Variants in ADAM23 observed in about 807,000 individuals in gnomAD.
ADAM23 encodes the protein ADAM metallopeptidase domain 23.
A neutral mutation model predicts 120.1 loss-of-function variants in ADAM23; 33 were observed. The observed-to-expected ratio is 0.27, with a 90% CI of 0.21 to 0.37. The LOEUF is 0.37. Ranked by LOEUF, ADAM23 falls within the 10% of genes least tolerant of loss-of-function variation. ADAM23 has a pLI of 1.00. For synonymous variants in ADAM23, 367 were observed against 375.2 expected (o/e 0.98, Z 0.25); for missense variants, 862 against 1,058.2 (o/e 0.81, Z 2.57).
rs1698186080 is a variant in ADAM23 at position 206,579,768 on chromosome 2, G to T, written c.1737+6573G>T. Among the ~76,000 whole-genome samples, 3 of 152,118 alleles carry T rather than the reference G, an allele frequency of 2.0e-5. No homozygotes were observed. The South Asian group carries it at 6.2e-4, about 32-fold the overall frequency. Reference sequence around the variant, plus strand: ...TGTTTTTGCTAATTCTGTGAAGAATGATGGTGGTATTCTGATGGGGATTGT... The same window carrying T: ...TGTTTTTGCTAATTCTGTGAAGAATTATGGTGGTATTCTGATGGGGATTGT... On this transcript the variant is annotated intron_variant, in intron 18 of 25. Transcript: ENST00000264377.
intron 9 of ADAM23, among the ~76,000 whole-genome samples, chr2:206,550,853 G>T (rs1181155539): frequency 6.6e-6 from 1 of 152,064 alleles, no homozygotes. Flanking sequence ...CGCCTGCCTC[G>T]GCCTCCCAAA....
intron 25 of ADAM23, among the ~76,000 whole-genome samples, chr2:206,616,276 G>A (rs948096343): frequency 1.3e-5 from 2 of 152,210 alleles, no homozygotes; most frequent in Admixed American, 1.3e-4. Flanking sequence ...AGCATCAGCA[G>A]TGCCCGCTTT....
intron 2 of ADAM23, among the ~76,000 whole-genome samples, chr2:206,464,569 T>C (rs569097235): frequency 3.3e-5 from 5 of 149,996 alleles, no homozygotes; most frequent in African/African-American, 9.8e-5. Context: ...AGTGAGACTG[T>C]CTCAAAAAAA....
At chr2:206,452,409 C>T (rs1295218942) in intron 2 of ADAM23, among the ~76,000 whole-genome samples, 1 of 152,214 alleles carries the variant, frequency 6.6e-6, no homozygotes, top group African/African-American at 2.4e-5. Context: ...CGGGTTGACT[C>T]ATTCCTGCTA....
intron 3 of ADAM23, among the ~76,000 whole-genome samples, chr2:206,489,979 A>AT (rs1446756572): frequency 6.6e-6 from 1 of 152,234 alleles, no homozygotes; most frequent in Non-Finnish European, 1.5e-5. Flanking sequence ...CCCACTCTGC[A>AT]TTCGTACGTT....
chr2:206,464,529 C>T (rs1338254114), intron 2 of ADAM23, among the ~76,000 whole-genome samples: 21 of 151,584 alleles, frequency 1.4e-4, no homozygotes, highest in African/African-American at 3.6e-4. Flanking sequence ...GAGCCGAGAA[C>T]GCACCACTGC....
chr2:206,597,988 T>C (rs1698562413), intron 24 of ADAM23, among the ~76,000 whole-genome samples: 2 of 152,248 alleles, frequency 1.3e-5, no homozygotes, highest in Admixed American at 1.3e-4. Context: ...ATTAAAATTC[T>C]GTAAGAATCA....
chr2:206,491,337 C>T (rs559477230), intron 3 of ADAM23, among the ~76,000 whole-genome samples: 1 of 152,132 alleles, frequency 6.6e-6, no homozygotes, highest in South Asian at 2.1e-4. Flanking sequence ...CAGTCTTTAG[C>T]AGGAGAATAA....
chr2:206,518,768 G>A (rs1312959777), intron 3 of ADAM23, among the ~76,000 whole-genome samples: 1 of 152,166 alleles, frequency 6.6e-6, no homozygotes, highest in Admixed American at 6.6e-5. Context: ...ATAGAAATAT[G>A]TAGAATTAGA....
At chr2:206,500,275 C>CT (rs1359509078) in intron 3 of ADAM23, among the ~76,000 whole-genome samples, 1 of 152,182 alleles carries the variant, frequency 6.6e-6, no homozygotes, top group East Asian at 1.9e-4. Flanking sequence ...GTTTTTGTCT[C>CT]TTTCTTTGAA....
At chr2:206,452,641 T>C (rs982444383) in intron 2 of ADAM23, among the ~76,000 whole-genome samples, 1 of 152,112 alleles carries the variant, frequency 6.6e-6, no homozygotes, top group Non-Finnish European at 1.5e-5. Context: ...AACCTGTGTC[T>C]ACAATAAGTT....
intron 24 of ADAM23, among the ~76,000 whole-genome samples, chr2:206,598,597 G>C (rs942539598): frequency 6.6e-6 from 1 of 152,090 alleles, no homozygotes; most frequent in Admixed American, 6.5e-5. Context: ...ACTCAGAGGT[G>C]CTCAAGATAA....
At chr2:206,485,864 A>G (rs1256439916) in intron 3 of ADAM23, among the ~76,000 whole-genome samples, 3 of 152,180 alleles carry the variant, frequency 2.0e-5, no homozygotes, top group Admixed American at 2.0e-4. Context: ...AAGAAGGCCT[A>G]TCTGAGGAGG....
In ADAM23 at chr2:206,596,067, CCACCTG is replaced by C. The variant is rs1559282183; in HGVS notation, c.2267_2272del (p.Thr756_Cys757del). On this transcript the variant is annotated inframe_deletion, in exon 24 of 26. Transcript: ENST00000264377. ...TCTTCACAGGTGTGTAGTAATGAAG[CCACCTG>C]CATTTGTGATTTCACCTGGGCAGGG... 1 of 1,613,638 alleles carries C rather than the reference CCACCTG, an allele frequency of 6.2e-7. No homozygotes were observed. Among genetic ancestry groups the C allele is most frequent in the African/African-American group, 1.3e-5 (1 of 75,030 alleles).
chr2:206,577,907 C>T (rs1202196015), intron 18 of ADAM23, among the ~76,000 whole-genome samples: 18 of 151,454 alleles, frequency 1.2e-4, no homozygotes, highest in African/African-American at 4.4e-4. Flanking sequence ...TATTTCTCCA[C>T]ATCCTCTCCA....
intron 3 of ADAM23, among the ~76,000 whole-genome samples, chr2:206,498,764 C>G (rs1696315140): frequency 6.6e-6 from 1 of 151,972 alleles, no homozygotes; most frequent in Non-Finnish European, 1.5e-5. Context: ...TGACAAAGGG[C>G]TAATATCCAG....
chr2:206,593,341 A>G (rs911633809), intron 22 of ADAM23, among the ~76,000 whole-genome samples: 5 of 152,146 alleles, frequency 3.3e-5, no homozygotes, highest in Non-Finnish European at 5.9e-5. Context: ...CGAAGATACT[A>G]TTCTCTTACT....
intron 24 of ADAM23, among the ~76,000 whole-genome samples, chr2:206,607,454 T>C (rs1698749809): frequency 1.3e-5 from 2 of 152,244 alleles, no homozygotes; most frequent in South Asian, 4.1e-4. Flanking sequence ...ATACATTGGC[T>C]GTAACTTTGG....
chr2:206,552,736 G>A (rs62194499), intron 9 of ADAM23, among the ~76,000 whole-genome samples: 4,353 of 151,998 alleles, frequency 0.029, 81 homozygotes, highest in Non-Finnish European at 0.04. Context: ...ATCTCATCTC[G>A]GCGCAACCTG....
Sources: gnomAD v4.1 joint callset for allele counts (sites outside exome capture counted in the v4.1 genomes callset) on GRCh38, gnomAD v4.1.1 for gene constraint, MANE v1.5 for transcripts, NCBI Gene and HGNC (gene_info 2026-07-23, HGNC 2026-07-21) for gene names.